DSCAM: variants seen among roughly 807,000 people sequenced by gnomAD.
DSCAM encodes the protein cell adhesion molecule DSCAM.
In DSCAM, 47 loss-of-function variants were observed where a neutral mutation model predicts 217.7. The ratio of observed to expected loss-of-function variants is 0.22; its 90% CI spans 0.17 to 0.28. The LOEUF (loss-of-function observed/expected upper bound fraction) is 0.28. Ranked by LOEUF, DSCAM falls within the 10% of genes least tolerant of loss-of-function variation. The pLI, the probability that DSCAM is intolerant of heterozygous loss-of-function variation, is 1.00. For missense variants in DSCAM, 2,080 were observed against 2,618.3 expected (o/e 0.79, Z 4.49); for synonymous variants, 1,056 against 1,015.3 (o/e 1.04, Z -0.76).
rs2074950527 is a variant in DSCAM, at chr21:40,376,370, AAAAT to A, written c.509-7129_509-7126del. Among the ~76,000 whole-genome samples, 5 of 150,368 alleles carry A rather than the reference AAAAT, an allele frequency of 3.3e-5. No homozygotes were observed. The South Asian group carries it at 8.4e-4, about 25-fold the overall frequency. ...CCACATGATCCTCTTAGCATTAACT[AAAAT>A]AGAAGTGGAAATAGAAGATATATAT... is the stretch of plus-strand genomic sequence containing the variant. On this transcript the variant is annotated intron_variant, in intron 3 of 32. Coordinates refer to ENST00000400454, the MANE Select transcript of DSCAM (RefSeq NM_001389.5).
chr21:40,429,144 T>C (rs1489966697), intron 3 of DSCAM, among the ~76,000 whole-genome samples: 1 of 152,238 alleles, frequency 6.6e-6, no homozygotes, highest in Non-Finnish European at 1.5e-5. Flanking sequence ...CAAAATATAA[T>C]AATGTTTTTC....
Position 40,812,326 on chromosome 21 carries a change from C to T in DSCAM, c.43+34293G>A, listed in dbSNP as rs371605812. Reference sequence around the variant, plus strand: ...GTACTCAGGTCAATGACAGCACCATCACACCAGTGTCTGAAGGAAGTCTTC... The same window carrying T: ...GTACTCAGGTCAATGACAGCACCATTACACCAGTGTCTGAAGGAAGTCTTC... On this transcript the variant is annotated intron_variant, in intron 1 of 32. Coordinates refer to ENST00000400454, the MANE Select transcript of DSCAM (RefSeq NM_001389.5). 7.2e-5 allele frequency among the ~76,000 whole-genome samples: 11 copies of T among 152,316 alleles called. No homozygotes were observed. The East Asian group carries it at 1.9e-3, about 27-fold the overall frequency.
intron 3 of DSCAM, among the ~76,000 whole-genome samples, chr21:40,410,257 G>A (rs1177236287): frequency 6.6e-6 from 1 of 152,062 alleles, no homozygotes; most frequent in African/African-American, 2.4e-5. Flanking sequence ...GGGCAATGCA[G>A]AAGAAATCAT....
rs550506409 is a variant in DSCAM, at chr21:40,288,768, G to A, written c.2182+7287C>T. Among the ~76,000 whole-genome samples, 3 of 152,276 alleles carry A rather than the reference G, an allele frequency of 2.0e-5. No homozygotes were observed. The East Asian group carries it at 5.8e-4, about 29-fold the overall frequency. On this transcript the variant is annotated intron_variant, in intron 10 of 32. Transcript: ENST00000400454. ...AATACATACTGACTAATGGCTATGT[G>A]CCAGAAGCCATAATAAATGCTTTCT...
chr21:40,814,405 C>T (rs890663619), intron 1 of DSCAM, among the ~76,000 whole-genome samples: 2 of 152,156 alleles, frequency 1.3e-5, no homozygotes, highest in Admixed American at 6.5e-5. Flanking sequence ...CACACCTTAG[C>T]GTAGTAGAGA....
chr21:40,626,292 A>G (rs1003679212), intron 3 of DSCAM, among the ~76,000 whole-genome samples: 2 of 152,096 alleles, frequency 1.3e-5, no homozygotes, highest in Non-Finnish European at 2.9e-5. Context: ...CTGAAAATGT[A>G]TCTCACATCT....
intron 1 of DSCAM, among the ~76,000 whole-genome samples, chr21:40,824,772 T>A (rs9305707): frequency 0.87 from 131,699 of 152,148 alleles, 57,099 homozygotes; most frequent in Non-Finnish European, 0.88. Context: ...GATAGAATTC[T>A]GTGTCTCTCC....
chr21:40,799,996 TATTG>T (rs1256688451), intron 1 of DSCAM, among the ~76,000 whole-genome samples: 1 of 152,224 alleles, frequency 6.6e-6, no homozygotes, highest in African/African-American at 2.4e-5. Flanking sequence ...GTAATCCATT[TATTG>T]ATTAATAGAT....
chr21:40,710,421 A>C (rs1220087219), intron 1 of DSCAM, among the ~76,000 whole-genome samples: 24 of 152,148 alleles, frequency 1.6e-4, no homozygotes, highest in Non-Finnish European at 7.4e-5. Flanking sequence ...TATCATGTTA[A>C]AGTGTACATA....
intron 3 of DSCAM, among the ~76,000 whole-genome samples, chr21:40,533,802 C>T (rs1165769097): frequency 2.7e-5 from 4 of 148,938 alleles, no homozygotes; most frequent in Non-Finnish European, 4.4e-5. Context: ...TCTATCTCTT[C>T]CTTCCTCCAT....
At chr21:40,821,394 C>T (rs1477447734) in intron 1 of DSCAM, among the ~76,000 whole-genome samples, 4 of 122,342 alleles carry the variant, frequency 3.3e-5, no homozygotes, top group Admixed American at 1.0e-4. Flanking sequence ...CACACGCGCG[C>T]ACACACACAC....
At chr21:40,110,547 C>G (rs942164259) in intron 20 of DSCAM, among the ~76,000 whole-genome samples, 1 of 152,156 alleles carries the variant, frequency 6.6e-6, no homozygotes, top group African/African-American at 2.4e-5. Flanking sequence ...TCACCAGCAA[C>G]AGAACAAAGC....
chr21:40,450,061 T>C (rs2075706330), intron 3 of DSCAM, among the ~76,000 whole-genome samples: 1 of 152,184 alleles, frequency 6.6e-6, no homozygotes, highest in Admixed American at 6.5e-5. Context: ...CATTTCTCCA[T>C]ACACATCAAC....
At chr21:40,498,586 T>C (rs891425549) in intron 3 of DSCAM, among the ~76,000 whole-genome samples, 2 of 147,684 alleles carry the variant, frequency 1.4e-5, no homozygotes, top group African/African-American at 2.5e-5. Flanking sequence ...CATGAATATA[T>C]ATACAGTATG....
intron 3 of DSCAM, among the ~76,000 whole-genome samples, chr21:40,432,872 G>C (rs947400302): frequency 2.0e-5 from 3 of 152,140 alleles, no homozygotes; most frequent in Admixed American, 2.0e-4. Context: ...GCTGAGCTGG[G>C]TTTGCACCTG....
intron 3 of DSCAM, chr21:40,383,014 G>A (rs1021288702): frequency 6.6e-6 from 1 of 152,180 alleles, no homozygotes; most frequent in African/African-American, 2.4e-5. Flanking sequence ...ATACGTAAGC[G>A]CTGATGTAAA....
intron 11 of DSCAM, among the ~76,000 whole-genome samples, chr21:40,237,440 C>T (rs1316013092): frequency 6.6e-6 from 1 of 152,110 alleles, no homozygotes; most frequent in Non-Finnish European, 1.5e-5. Flanking sequence ...GTTCAGCTCC[C>T]ACTGATGAGT....
chr21:40,722,974 C>T lies in DSCAM; in HGVS notation c.44-14203G>A, dbSNP rs183619818. On this transcript the variant is annotated intron_variant, in intron 1 of 32. Transcript: ENST00000400454. Reference sequence around the variant, plus strand: ...CAATTCATCAAGGTGACATAACAATCCTAAATGTCTATGTACCTAATAAAA... The same window carrying T: ...CAATTCATCAAGGTGACATAACAATTCTAAATGTCTATGTACCTAATAAAA... Among the ~76,000 whole-genome samples the T allele has an allele frequency of 2.6e-5, 4 of 152,130 alleles. No individual in the cohort carries two copies. In the East Asian group the frequency reaches 7.7e-4, roughly 29 times the overall value.
chr21:40,157,086 T>C (rs1314208486), intron 16 of DSCAM, among the ~76,000 whole-genome samples: 2 of 152,158 alleles, frequency 1.3e-5, no homozygotes, highest in Non-Finnish European at 2.9e-5. Flanking sequence ...CTTACATTTT[T>C]AAATGATTGA....
Sources: gnomAD v4.1 joint callset for allele counts (sites outside exome capture counted in the v4.1 genomes callset) on GRCh38, gnomAD v4.1.1 for gene constraint, MANE v1.5 for transcripts, NCBI Gene and HGNC (gene_info 2026-07-23, HGNC 2026-07-21) for gene names.